The following CEP164 variants were observed in gnomAD, a reference collection of about 807,000 sequenced individuals.
CEP164 encodes the protein centrosomal protein 164, also known as centrosomal protein of 164 kDa.
In CEP164, 162 loss-of-function variants were observed where a neutral mutation model predicts 182.7. The observed-to-expected ratio is 0.89, with a 90% CI of 0.78 to 1.01. The LOEUF (loss-of-function observed/expected upper bound fraction) is 1.01. Among genes scored for constraint, CEP164 ranks in the 50% least tolerant of loss-of-function variants. CEP164 has a pLI of 0.00. For missense variants in CEP164, 1,735 were observed against 1,790.4 expected (o/e 0.97, Z 0.56); for synonymous variants, 661 against 690.0 (o/e 0.96, Z 0.66).
intron 5 of CEP164, among the ~76,000 whole-genome samples, chr11:117,358,676 G>A (rs1164314302): frequency 1.3e-5 from 2 of 151,696 alleles, no homozygotes; most frequent in Non-Finnish European, 2.9e-5. Context: ...GACTACAGAT[G>A]TGTACCACTA....
At chr11:117,343,487 A>G (rs1180400534) in intron 3 of CEP164, among the ~76,000 whole-genome samples, 1 of 152,152 alleles carries the variant, frequency 6.6e-6, no homozygotes, top group Non-Finnish European at 1.5e-5. Context: ...GTGCTTTTGC[A>G]CCAAGCTTTT....
In CEP164 at chr11:117,396,245, G is replaced by A. The variant is rs1170659591; in HGVS notation, c.3216+65G>A. On this transcript the variant is annotated intron_variant, in intron 25 of 32. Coordinates refer to ENST00000278935, the MANE Select transcript of CEP164 (RefSeq NM_014956.5). ...ATGGTGTGGGGCATTGGGAGGGGCT[G>A]GGCATCAGGGGAGTACTTCCAGAGG... The A allele has an allele frequency of 1.9e-6, 3 of 1,546,816 alleles. No homozygotes were observed. The East Asian group carries it at 6.7e-5, about 35-fold the overall frequency.
chr11:117,396,219 G>T lies in CEP164; in HGVS notation c.3216+39G>T, dbSNP rs1381546042. ...TGGGGCCTGGGGGCTGGGGCACCAG[G>T]ATGGTGTGGGGCATTGGGAGGGGCT... On this transcript the variant is annotated intron_variant, in intron 25 of 32. Transcript: ENST00000278935. 7.6e-6 allele frequency: 12 copies of T among 1,587,984 alleles called. No individual in the cohort carries two copies. In the Admixed American group the frequency reaches 2.0e-4, roughly 27 times the overall value.
At chr11:117,336,125 C>A (rs1340627887) in intron 2 of CEP164, 3 of 1,545,596 alleles carry the variant, frequency 1.9e-6, no homozygotes, top group East Asian at 4.9e-5. Context: ...TACTTTCCCC[C>A]AGTACAACAT....
intron 11 of CEP164, among the ~76,000 whole-genome samples, chr11:117,379,730 G>A (rs2043113948): frequency 6.6e-6 from 1 of 151,966 alleles, no homozygotes; most frequent in African/African-American, 2.4e-5. Flanking sequence ...CTAGAACAAA[G>A]GGTTGACCCC....
chr11:117,335,892 TAAAA>T (rs964072079), intron 2 of CEP164, among the ~76,000 whole-genome samples: 4 of 151,360 alleles, frequency 2.6e-5, no homozygotes, highest in African/African-American at 4.9e-5. Context: ...TAAGCAGAAG[TAAAA>T]AAAAATCACA....
chr11:117,390,238 C>T (rs1039154538), intron 15 of CEP164, among the ~76,000 whole-genome samples: 23 of 152,148 alleles, frequency 1.5e-4, no homozygotes, highest in African/African-American at 4.1e-4. Context: ...CCACCACGCC[C>T]GGCCATTAGT....
intron 8 of CEP164, among the ~76,000 whole-genome samples, chr11:117,363,758 G>GTT (rs2041286901): frequency 1.3e-5 from 1 of 77,458 alleles, no homozygotes; most frequent in African/African-American, 5.5e-5. Context: ...AACCTCCAAT[G>GTT]CTTTTTTTTT....
intron 14 of CEP164, among the ~76,000 whole-genome samples, chr11:117,383,831 G>T (rs2043628653): frequency 2.0e-5 from 3 of 152,232 alleles, no homozygotes; most frequent in Admixed American, 1.3e-4. Context: ...GAGGTCAGGA[G>T]TTTGAGACCA....
chr11:117,362,972 G>A (rs866279935), intron 7 of CEP164, among the ~76,000 whole-genome samples: 1 of 152,128 alleles, frequency 6.6e-6, no homozygotes. Flanking sequence ...CTTCATCTAT[G>A]TTGTAGCATG....
chr11:117,381,920 G>A (rs757890050), intron 13 of CEP164, 52 bp downstream of exon 13: 2 of 1,418,946 alleles, frequency 1.4e-6, no homozygotes, highest in Non-Finnish European at 9.3e-7. Context: ...TGGCTGCTCT[G>A]TGTGTAGTGG....
chr11:117,382,255 C>A (rs575056406), intron 13 of CEP164, among the ~76,000 whole-genome samples: 24 of 152,170 alleles, frequency 1.6e-4, no homozygotes, highest in Non-Finnish European at 2.9e-4. Context: ...TTCTCTAGTC[C>A]CCTCCCTACC....
intron 8 of CEP164, among the ~76,000 whole-genome samples, chr11:117,366,235 TAC>T (rs2041622287): frequency 6.6e-6 from 1 of 152,078 alleles, no homozygotes; most frequent in Non-Finnish European, 1.5e-5. Context: ...TGTCTCAGTT[TAC>T]AGTCTTTGGA....
At chr11:117,367,664 TTTTTA>T (rs746720145) in intron 8 of CEP164, among the ~76,000 whole-genome samples, 40 of 152,226 alleles carry the variant, frequency 2.6e-4, no homozygotes, top group Non-Finnish European at 4.3e-4. Flanking sequence ...CTCCTTTTAA[TTTTTA>T]TTTTAAGTTC....
At chr11:117,392,085 G>T in intron 17 of CEP164, 141 bp from the exon 18 acceptor site, 2 of 590,354 alleles carry the variant, frequency 3.4e-6, no homozygotes, top group Non-Finnish European at 5.6e-6. Context: ...TATTTCAGAG[G>T]AACAAAGATG....
intron 14 of CEP164, among the ~76,000 whole-genome samples, chr11:117,383,348 A>G (rs2043557677): frequency 6.6e-6 from 1 of 152,226 alleles, no homozygotes; most frequent in African/African-American, 2.4e-5. Flanking sequence ...GCATCTGTGC[A>G]CACTGTATAA....
intron 27 of CEP164, among the ~76,000 whole-genome samples, chr11:117,400,929 C>T (rs568342155): frequency 3.0e-4 from 46 of 152,324 alleles, no homozygotes; most frequent in Non-Finnish European, 1.8e-4. Flanking sequence ...ATGTCATCTG[C>T]AAACAGAAAC....
At chr11:117,344,095 T>C (rs1261961799) in intron 3 of CEP164, 71 bp from the exon 4 acceptor site, 2 of 809,798 alleles carry the variant, frequency 2.5e-6, no homozygotes, top group Non-Finnish European at 4.0e-6. Flanking sequence ...AAAGACAAAG[T>C]AGAAAAAAGA....
chr11:117,408,987 CTT>C lies in CEP164; in HGVS notation c.3711_3712del (p.Ser1238ProfsTer5), dbSNP rs2047013877. ...AGCCTGAGCAGTGAAAGTTCTGAATCTTTTTCCCCGCCTCACCGTGAGTGGTG... is the reference window on the plus strand; with the variant it reads ...AGCCTGAGCAGTGAAAGTTCTGAATCTTTCCCCGCCTCACCGTGAGTGGTG... On this transcript the variant is annotated frameshift_variant, in exon 29 of 33. Transcript: ENST00000278935. LOFTEE classifies it high-confidence loss of function. 1 of 1,613,956 alleles carries C rather than the reference CTT, an allele frequency of 6.2e-7. No homozygotes were observed. Among genetic ancestry groups the C allele is most frequent in the Admixed American group, 1.7e-5 (1 of 60,024 alleles).
Sources: allele counts gnomAD v4.1 joint callset (sites outside exome capture counted in the v4.1 genomes callset), GRCh38; gene constraint gnomAD v4.1.1; transcripts MANE v1.5; gene names NCBI Gene and HGNC (gene_info 2026-07-23, HGNC 2026-07-21).